Variants in SLC36A1 observed in about 807,000 individuals in gnomAD.
SLC36A1 encodes solute carrier family 36 member 1.
Under a neutral mutation model 47.5 loss-of-function variants are expected in SLC36A1, and 30 were observed. That is an observed-to-expected ratio of 0.63 (90% CI 0.47 to 0.86). SLC36A1 has a LOEUF of 0.86. Among genes scored for constraint, SLC36A1 ranks in the 40% least tolerant of loss-of-function variants. The probability of loss-of-function intolerance (pLI) is 0.00; values close to 1 mark genes in which losing one functional copy is unlikely to be tolerated. For missense variants in SLC36A1, 517 were observed against 606.0 expected, an observed-to-expected ratio of 0.85 and a Z score of 1.54; for synonymous variants, 255 against 249.7, an observed-to-expected ratio of 1.02 and a Z score of -0.20.
chr5:151,392,126 A>G, the SLC36A1 span, among the ~76,000 whole-genome samples: 3 of 151,990 alleles, frequency 2.0e-5, no homozygotes, highest in East Asian at 5.8e-4. Flanking sequence ...CTGGTTTAGT[A>G]TTGGGAGGGT....
At chr5:151,384,700 A>C in the SLC36A1 span, among the ~76,000 whole-genome samples, 1 of 152,156 alleles carries the variant, frequency 6.6e-6, no homozygotes, top group South Asian at 2.1e-4. Context: ...ACCTTCGGAG[A>C]TCGGGCACTC....
the SLC36A1 span, among the ~76,000 whole-genome samples, chr5:151,362,159 C>G: frequency 6.6e-6 from 1 of 151,982 alleles, no homozygotes; most frequent in Non-Finnish European, 1.5e-5. Context: ...GCTTTCTACC[C>G]CTTGCTGTTG....
chr5:151,533,393 A>AACACACACACAC, the SLC36A1 span, among the ~76,000 whole-genome samples: 11 of 132,112 alleles, frequency 8.3e-5, no homozygotes, highest in Non-Finnish European at 1.1e-4. Context: ...TGTTATCTCC[A>AACACACACACAC]ACACACACAC....
the SLC36A1 span, among the ~76,000 whole-genome samples, chr5:151,534,015 G>A: frequency 6.6e-6 from 1 of 152,112 alleles, no homozygotes; most frequent in Admixed American, 6.5e-5. Flanking sequence ...GGAATTTAAT[G>A]GGCTTACTGG....
At chr5:151,546,340 G>A in the SLC36A1 span, 2 of 1,606,746 alleles carry the variant, frequency 1.2e-6, no homozygotes, top group African/African-American at 1.3e-5. Context: ...GCTGTTCCCT[G>A]AAACAGAAGA....
the SLC36A1 span, chr5:151,531,593 G>A: frequency 7.6e-5 from 123 of 1,612,384 alleles, 3 homozygotes; most frequent in East Asian, 4.5e-4. The surrounding 1 kb of genome is among the most constrained non-coding windows in gnomAD (Gnocchi z 5.7). Flanking sequence ...TCACCTGTGC[G>A]AGCATCCAGG....
At chr5:151,445,013 C>A (rs138450268), upstream of SLC36A1, among the ~76,000 whole-genome samples, 1 of 152,040 alleles carries the variant, frequency 6.6e-6, no homozygotes. Flanking sequence ...GGTGGGTATC[C>A]TTGACTGCTA....
At chr5:151,416,220 C>A in the SLC36A1 span, among the ~76,000 whole-genome samples, 1 of 152,232 alleles carries the variant, frequency 6.6e-6, no homozygotes, top group Non-Finnish European at 1.5e-5. Context: ...TCTCAGGCAT[C>A]CCAGGAGCCT....
At chr5:151,459,043 G>A (rs1269538040) in intron 2 of SLC36A1, 108 bp downstream of exon 2, 41 of 1,252,946 alleles carry the variant, frequency 3.3e-5, no homozygotes, top group Admixed American at 4.6e-5. Flanking sequence ...TACAGATGAA[G>A]GTCAGCAGTG....
chr5:151,458,926 A>G lies in SLC36A1; in HGVS notation c.134A>G (p.Asn45Ser), dbSNP rs527734301. The G allele has an allele frequency of 5.6e-6, 9 of 1,611,106 alleles. No individual in the cohort carries two copies. The highest frequency in any genetic ancestry group is 3.3e-5 in the South Asian group (3 of 91,004). ...PGSYQRFGQSNSTTWFQTLIH... is the reference protein window; with the variant it reads ...PGSYQRFGQSSSTTWFQTLIH... ...TCCTACCAGCGCTTTGGTCAAAGCA[A>G]TAGCACAACGTGAGTAGCTGTTACC... Residue 45 changes from asparagine (N) to serine (S), a missense_variant, in exon 2 of 11, where the codon AAT (asparagine) becomes AGT (serine). Physicochemically the swap from Asn to Ser is conservative, Grantham distance 46. Coordinates refer to ENST00000243389, the MANE Select transcript of SLC36A1 (RefSeq NM_078483.4).
chr5:151,532,742 G>A, the SLC36A1 span, among the ~76,000 whole-genome samples: 14 of 152,298 alleles, frequency 9.2e-5, no homozygotes, highest in African/African-American at 2.9e-4. Context: ...TGAAGCAGTT[G>A]GCCATAGTGT....
the SLC36A1 span, among the ~76,000 whole-genome samples, chr5:151,346,619 C>G: frequency 6.6e-6 from 1 of 152,178 alleles, no homozygotes; most frequent in African/African-American, 2.4e-5. Flanking sequence ...ACACCCCACA[C>G]CTTTTGTTCC....
chr5:151,502,526 A>C, the SLC36A1 span, among the ~76,000 whole-genome samples: 1 of 145,812 alleles, frequency 6.9e-6, no homozygotes, highest in Non-Finnish European at 1.5e-5. Context: ...TATAGATGTC[A>C]AAAAAAAAGC....
chr5:151,470,381 A>G (rs1022526853), intron 7 of SLC36A1, among the ~76,000 whole-genome samples: 4 of 152,222 alleles, frequency 2.6e-5, no homozygotes, highest in African/African-American at 9.6e-5. Flanking sequence ...ATAGCGTCTC[A>G]GTCCCAACCA....
At chr5:151,514,844 A>C in the SLC36A1 span, among the ~76,000 whole-genome samples, 24 of 152,304 alleles carry the variant, frequency 1.6e-4, no homozygotes, top group African/African-American at 5.5e-4. Context: ...CACCTCCTCA[A>C]GGGTCTACTG....
chr5:151,517,374 C>T, the SLC36A1 span, among the ~76,000 whole-genome samples: 1 of 152,232 alleles, frequency 6.6e-6, no homozygotes, highest in African/African-American at 2.4e-5. Context: ...ATCTCCATTT[C>T]TATCTTACCC....
chr5:151,505,943 C>T, the SLC36A1 span: 1 of 1,579,438 alleles, frequency 6.3e-7, no homozygotes, highest in Non-Finnish European at 8.6e-7. Context: ...AGGGGAAGCC[C>T]CCATAGAGGC....
At chr5:151,550,125 G>A in the SLC36A1 span, among the ~76,000 whole-genome samples, 1 of 152,060 alleles carries the variant, frequency 6.6e-6, no homozygotes, top group Non-Finnish European at 1.5e-5. Context: ...AGGCAAGTAG[G>A]GTGCAAAATT....
At chr5:151,498,301 A>G in the SLC36A1 span, among the ~76,000 whole-genome samples, 2 of 152,172 alleles carry the variant, frequency 1.3e-5, no homozygotes, top group South Asian at 2.1e-4. Context: ...GTGTGTCAAT[A>G]TGGATACTAC....
Sources: gnomAD v4.1 joint callset for allele counts (sites outside exome capture counted in the v4.1 genomes callset) on GRCh38, gnomAD v4.1.1 for gene constraint, Gnocchi (gnomAD v3.1) non-coding constraint, MANE v1.5 for transcripts, NCBI Gene and HGNC (gene_info 2026-07-23, HGNC 2026-07-21) for gene names.